Variants in RTL9 observed in about 807,000 individuals in gnomAD.
RTL9 encodes retrotransposon Gag like 9.
RTL9 carries 19 observed loss-of-function variants against 44.7 expected under a neutral mutation model. The ratio of observed to expected loss-of-function variants is 0.42; its 90% CI spans 0.30 to 0.62. The LOEUF is 0.62. Ranked by LOEUF, RTL9 falls within the 20% of genes least tolerant of loss-of-function variation. RTL9 has a pLI of 0.16. For synonymous variants in RTL9, 407 were observed against 398.9 expected (o/e 1.02, Z -0.24); for missense variants, 1,105 against 1,080.6 (o/e 1.02, Z -0.32).
chrX:110,453,966 T>A, exon 1 of RTL9: 2 of 1,211,624 alleles, frequency 1.7e-6, no homozygotes, highest in Non-Finnish European at 1.1e-6. Flanking sequence ...AGCCTCTGGA[T>A]CAAAGCCCAC....
At chrX:110,451,461 T>C (rs754583558) in exon 1 of RTL9, 2 of 1,209,972 alleles carry the variant, frequency 1.7e-6, no homozygotes, top group Non-Finnish European at 2.2e-6. Flanking sequence ...TGGAGGTACA[T>C]CACCCCAGCC....
chrX:110,407,198 A>C (rs906664752), intron 1 of RTL9, among the ~76,000 whole-genome samples: 1 of 112,398 alleles, frequency 8.9e-6, no homozygotes, highest in Non-Finnish European at 1.9e-5. Context: ...GGTTTGCTCA[A>C]TGCTACATAA....
chrX:110,394,007 G>T (rs760453351), intron 1 of RTL9, among the ~76,000 whole-genome samples: 1 of 112,615 alleles, frequency 8.9e-6, no homozygotes, highest in African/African-American at 3.2e-5. Flanking sequence ...TGATTCTTCT[G>T]GAACTGCTGG....
At chrX:110,369,670 A>C (rs1052403543) in intron 1 of RTL9, among the ~76,000 whole-genome samples, 7 of 111,980 alleles carry the variant, frequency 6.3e-5, no homozygotes, top group African/African-American at 2.3e-4. Context: ...CCTGGAGGCA[A>C]ACACTCTTAC....
At chrX:110,397,210 T>A (rs2068534222) in intron 1 of RTL9, among the ~76,000 whole-genome samples, 1 of 111,129 alleles carries the variant, frequency 9.0e-6, no homozygotes, top group South Asian at 3.8e-4. Context: ...GATCTCCATG[T>A]CTAATTCTCT....
intron 1 of RTL9, among the ~76,000 whole-genome samples, chrX:110,413,579 C>T (rs934326278): frequency 1.9e-5 from 2 of 106,219 alleles, no homozygotes; most frequent in Non-Finnish European, 3.9e-5. Flanking sequence ...TTCTCCACCC[C>T]AAGTCCTGAC....
At chrX:110,436,258 G>A (rs2068837892) in intron 1 of RTL9, among the ~76,000 whole-genome samples, 1 of 111,280 alleles carries the variant, frequency 9.0e-6, no homozygotes, top group Admixed American at 9.5e-5. Flanking sequence ...CAGGATGTAG[G>A]CTGGGATTCA....
At chrX:110,385,636 G>C (rs1033175093) in intron 1 of RTL9, among the ~76,000 whole-genome samples, 1 of 111,643 alleles carries the variant, frequency 9.0e-6, no homozygotes, top group Admixed American at 9.5e-5. Flanking sequence ...TCTGTGACTA[G>C]CTTCTCTCCC....
intron 1 of RTL9, among the ~76,000 whole-genome samples, chrX:110,378,163 C>A (rs1297650406): frequency 2.7e-5 from 3 of 111,625 alleles, no homozygotes; most frequent in Non-Finnish European, 5.6e-5. Context: ...CTACAAGGCT[C>A]AGCTTTGGGG....
chrX:110,373,698 A>G (rs1202645987), intron 1 of RTL9, among the ~76,000 whole-genome samples: 2 of 112,239 alleles, frequency 1.8e-5, no homozygotes, highest in Non-Finnish European at 3.8e-5. Flanking sequence ...CTCATGTATG[A>G]AAGAACTTTA....
At chrX:110,365,537 C>T (rs1263026525) in intron 1 of RTL9, among the ~76,000 whole-genome samples, 1 of 111,711 alleles carries the variant, frequency 9.0e-6, no homozygotes, top group Non-Finnish European at 1.9e-5. Context: ...TCTCCTGAGA[C>T]AATTTACATA....
intron 1 of RTL9, among the ~76,000 whole-genome samples, chrX:110,397,352 T>C (rs2068534987): frequency 9.0e-6 from 1 of 111,131 alleles, no homozygotes; most frequent in Non-Finnish European, 1.9e-5. Flanking sequence ...GACTGATCAG[T>C]CTGAGTCCAA....
At chrX:110,377,473 T>C (rs941122425) in intron 1 of RTL9, among the ~76,000 whole-genome samples, 1 of 111,631 alleles carries the variant, frequency 9.0e-6, no homozygotes, top group Non-Finnish European at 1.9e-5. Flanking sequence ...GGCTTTCTTT[T>C]TTTCTTTTAA....
intron 1 of RTL9, among the ~76,000 whole-genome samples, chrX:110,412,362 C>T (rs1298623102): frequency 1.8e-5 from 2 of 112,038 alleles, no homozygotes; most frequent in African/African-American, 3.2e-5. Flanking sequence ...ACTAAATGAC[C>T]TCGGTGAAGG....
chrX:110,370,833 C>T (rs1036020228), intron 1 of RTL9, among the ~76,000 whole-genome samples: 2 of 111,952 alleles, frequency 1.8e-5, no homozygotes, highest in Non-Finnish European at 3.8e-5. Flanking sequence ...ATTTTCAGGC[C>T]AGTTTTGGAC....
At chrX:110,409,289 G>A (rs191501174) in intron 1 of RTL9, among the ~76,000 whole-genome samples, 210 of 111,025 alleles carry the variant, frequency 1.9e-3, no homozygotes, top group Non-Finnish European at 3.0e-3. Context: ...AAGCTAGAGC[G>A]TCCTAATGTC....
chrX:110,393,580 G>A (rs2068509081), intron 1 of RTL9, among the ~76,000 whole-genome samples: 1 of 111,763 alleles, frequency 8.9e-6, no homozygotes, highest in Non-Finnish European at 1.9e-5. Flanking sequence ...CATCCCACTG[G>A]TGCCTCTAAA....
chrX:110,408,570 C>T (rs970493061), intron 1 of RTL9, among the ~76,000 whole-genome samples: 9 of 112,159 alleles, frequency 8.0e-5, no homozygotes, highest in Admixed American at 2.8e-4. Context: ...TCCCCTGCCC[C>T]GACCCCACAG....
intron 1 of RTL9, among the ~76,000 whole-genome samples, chrX:110,436,144 G>A (rs1431758718): frequency 8.9e-6 from 1 of 112,585 alleles, no homozygotes; most frequent in Non-Finnish European, 1.9e-5. Flanking sequence ...CTGGAGTTTA[G>A]ATAAGTGAAA....
Sources: allele counts gnomAD v4.1 joint callset (sites outside exome capture counted in the v4.1 genomes callset), GRCh38; gene constraint gnomAD v4.1.1; transcripts MANE v1.5; gene names NCBI Gene and HGNC (gene_info 2026-07-23, HGNC 2026-07-21).